The following PSD3 variants were observed in gnomAD, a reference collection of about 807,000 sequenced individuals.
The protein encoded by PSD3 is PH and SEC7 domain-containing protein 3.
PSD3 carries 49 observed loss-of-function variants against 105.5 expected under a neutral mutation model. That is an observed-to-expected ratio of 0.46 (90% confidence interval 0.37 to 0.59). The LOEUF is 0.59. Ranked by LOEUF, PSD3 falls within the 20% of genes least tolerant of loss-of-function variation. PSD3 has a pLI of 0.00. For synonymous variants in PSD3, 557 were observed against 457.8 expected (o/e 1.22, Z -2.77); for missense variants, 1,561 against 1,263.8 (o/e 1.24, Z -3.57).
intron 1 of PSD3, among the ~76,000 whole-genome samples, chr8:18,988,587 C>T (rs967995121): frequency 1.4e-5 from 2 of 141,278 alleles, no homozygotes; most frequent in African/African-American, 5.1e-5. Context: ...TTACCCAACT[C>T]AAAAATGCTC....
intron 8 of PSD3, among the ~76,000 whole-genome samples, chr8:18,775,591 G>A (rs1807980937): frequency 6.6e-6 from 1 of 152,084 alleles, no homozygotes; most frequent in Admixed American, 6.6e-5. Flanking sequence ...CTGTAACACT[G>A]AACATCTATT....
chr8:18,879,147 G>A (rs991992583), intron 2 of PSD3, among the ~76,000 whole-genome samples: 13 of 151,894 alleles, frequency 8.6e-5, no homozygotes, highest in Admixed American at 8.5e-4. Context: ...AGGGGCCTCA[G>A]AGAATTCTGA....
intron 1 of PSD3, among the ~76,000 whole-genome samples, chr8:18,960,358 A>T (rs1823840053): frequency 6.6e-6 from 1 of 152,266 alleles, no homozygotes; most frequent in South Asian, 2.1e-4. Flanking sequence ...GTCTGATTAG[A>T]ATACAAGACA....
rs146174409 is a variant in PSD3, at chr8:19,060,577, T to A, written c.324+23629A>T. On this transcript the variant is annotated intron_variant, in intron 1 of 1. Coordinates refer to the PSD3 transcript ENST00000521475. ...TGAGCCCAGGAGTTCAAGGCTACAG[T>A]GAGCCATGATTGCACCACTGCACTC... 2.0e-5 allele frequency among the ~76,000 whole-genome samples: 3 copies of A among 152,134 alleles called. No homozygotes were observed. In the East Asian group the frequency reaches 5.8e-4, roughly 29 times the overall value.
At chr8:19,072,485 A>G (rs558483102) in intron 1 of PSD3, among the ~76,000 whole-genome samples, 3 of 152,360 alleles carry the variant, frequency 2.0e-5, no homozygotes, top group African/African-American at 7.2e-5. Flanking sequence ...GAATTAAGAC[A>G]TTAGGTATAC....
At chr8:18,758,658 A>T (rs542483405) in intron 9 of PSD3, among the ~76,000 whole-genome samples, 1 of 152,182 alleles carries the variant, frequency 6.6e-6, no homozygotes, top group Non-Finnish European at 1.5e-5. Context: ...AGATGCATTA[A>T]TCTTTATTTA....
intron 1 of PSD3, among the ~76,000 whole-genome samples, chr8:18,944,539 C>A (rs1026662172): frequency 6.6e-6 from 1 of 151,398 alleles, no homozygotes; most frequent in African/African-American, 2.4e-5. Context: ...CCACTGCACT[C>A]CAGCCTGGGC....
At position 18,556,280 on chromosome 8, in the gene PSD3, G is replaced by A. The variant is rs867878704; in HGVS notation, c.2857C>T (p.Pro953Ser). The A allele has an allele frequency of 1.9e-6, 3 of 1,613,864 alleles. No homozygotes were observed. Among genetic ancestry groups the A allele is most frequent in the African/African-American group, 1.3e-5 (1 of 74,856 alleles). ...TTELAEHRSYPPDKKVKAKDV... is the reference protein window; with the variant it reads ...TTELAEHRSYSPDKKVKAKDV... ...TTGGCTTTGACCTTCTTGTCGGGGG[G>A]ATATGAGCGGTGCTCGGCCAGCTCG... Residue 953 changes from proline to serine, a missense_variant, in exon 15 of 16, where the codon CCC becomes TCC. Transcript: ENST00000327040.
chr8:18,541,381 G>A (rs1488675918), intron 15 of PSD3, among the ~76,000 whole-genome samples: 1 of 152,132 alleles, frequency 6.6e-6, no homozygotes, highest in Admixed American at 6.5e-5. Flanking sequence ...GGCAAATCCA[G>A]AAAAAGAAAA....
At chr8:19,047,514 G>T (rs1381335769) in intron 1 of PSD3, among the ~76,000 whole-genome samples, 1 of 152,132 alleles carries the variant, frequency 6.6e-6, no homozygotes, top group East Asian at 1.9e-4. Flanking sequence ...AGAATGTGGA[G>T]GGGGTAAATG....
intron 15 of PSD3, among the ~76,000 whole-genome samples, chr8:18,537,930 G>A (rs1204692310): frequency 6.6e-6 from 1 of 152,188 alleles, no homozygotes; most frequent in Non-Finnish European, 1.5e-5. Flanking sequence ...ACCCGCCTCG[G>A]CCTCCCAAAG....
chr8:19,066,168 T>A (rs1563540877), intron 1 of PSD3, among the ~76,000 whole-genome samples: 1 of 152,178 alleles, frequency 6.6e-6, no homozygotes. Context: ...TTTGTTGAAT[T>A]TTTAAAAGCA....
At position 18,668,166 on chromosome 8, in the gene PSD3, C is replaced by T. The variant is rs547552228; in HGVS notation, c.2173-12481G>A. On this transcript the variant is annotated intron_variant, in intron 9 of 15. Coordinates refer to ENST00000327040, the MANE Select transcript of PSD3 (RefSeq NM_015310.4). Reference sequence around the variant, plus strand: ...GGCAGGCTGAAGGGTTCCTCAAGCGCGGCCAGAGTGGGCAGAGAGGCCGAG... The same window carrying T: ...GGCAGGCTGAAGGGTTCCTCAAGCGTGGCCAGAGTGGGCAGAGAGGCCGAG... 1.9e-3 allele frequency among the ~76,000 whole-genome samples: 286 copies of T among 152,348 alleles called. 1 individual carries two copies. Among genetic ancestry groups the T allele is most frequent in the African/African-American group, 6.7e-3 (277 of 41,590 alleles).
intron 1 of PSD3, among the ~76,000 whole-genome samples, chr8:18,958,736 C>A (rs1417714815): frequency 6.6e-6 from 1 of 152,032 alleles, no homozygotes; most frequent in Non-Finnish European, 1.5e-5. Flanking sequence ...AAATTATATG[C>A]AATAAATGTG....
chr8:19,029,437 G>C (rs905688590), intron 1 of PSD3, among the ~76,000 whole-genome samples: 1 of 152,186 alleles, frequency 6.6e-6, no homozygotes, highest in Non-Finnish European at 1.5e-5. Context: ...AAAGGAAAGA[G>C]GTTTCATTGA....
chr8:18,553,308 C>T (rs1800886168), intron 15 of PSD3, among the ~76,000 whole-genome samples: 1 of 152,128 alleles, frequency 6.6e-6, no homozygotes, highest in Admixed American at 6.5e-5. Flanking sequence ...AGCTCCTCTT[C>T]CTGTCACTGC....
chr8:18,716,941 C>T (rs985784823), intron 9 of PSD3, among the ~76,000 whole-genome samples: 7 of 152,306 alleles, frequency 4.6e-5, no homozygotes, highest in Admixed American at 2.0e-4. Flanking sequence ...CCAAAGGTAG[C>T]AGGCCCAAGC....
In PSD3 at chr8:18,804,475, C is replaced by G. The variant is rs1264944569; in HGVS notation, c.1910+47G>C. ...AAGACATTACTTTCTTCTCTAAGAA[C>G]TAATCATTTGAAAGCAATGACGAGC... On this transcript the variant is annotated intron_variant, in intron 6 of 15. Transcript: ENST00000327040. 5 of 1,463,038 alleles carry G rather than the reference C, an allele frequency of 3.4e-6. No homozygotes were observed. In the African/African-American group the frequency reaches 5.7e-5, roughly 17 times the overall value. 90.6% of individuals were successfully genotyped at this position (1,463,038 alleles called of 1,614,324 possible).
intron 4 of PSD3, among the ~76,000 whole-genome samples, chr8:18,863,321 T>G (rs1161202200): frequency 6.6e-6 from 1 of 152,196 alleles, no homozygotes; most frequent in Admixed American, 6.5e-5. Context: ...AGGAACCCAT[T>G]GAAACGTGTA....
Sources: allele counts gnomAD v4.1 joint callset (sites outside exome capture counted in the v4.1 genomes callset), GRCh38; gene constraint gnomAD v4.1.1; transcripts MANE v1.5; gene names NCBI Gene and HGNC (gene_info 2026-07-23, HGNC 2026-07-21).